The following GPR143 variants were observed in gnomAD, a reference collection of about 807,000 sequenced individuals.
GPR143 encodes the protein G protein-coupled receptor 143.
GPR143 carries 8 observed loss-of-function variants against 27.6 expected under a neutral mutation model. The observed-to-expected ratio is 0.29, with a 90% CI of 0.17 to 0.52. The LOEUF is 0.52. Among genes scored for constraint, GPR143 ranks in the 20% least tolerant of loss-of-function variants. The pLI is 0.96. For missense variants in GPR143, 303 were observed against 343.1 expected, an observed-to-expected ratio of 0.88 and a Z score of 0.92; for synonymous variants, 156 against 153.2, an observed-to-expected ratio of 1.02 and a Z score of -0.13.
Position 9,759,199 on chromosome X carries a change from C to T in GPR143, c.455+133G>A, listed in dbSNP as rs766201917. On this transcript the variant is annotated intron_variant, in intron 3 of 8. Coordinates refer to ENST00000467482, the MANE Select transcript of GPR143 (RefSeq NM_000273.3). Reference sequence around the variant, plus strand: ...ATGAGCTGCTGTGGATGTTTCTAGGCGGAGGGGCCAGCTGACAGATTCTGA... The same window carrying T: ...ATGAGCTGCTGTGGATGTTTCTAGGTGGAGGGGCCAGCTGACAGATTCTGA... The T allele has an allele frequency of 1.1e-4, 54 of 507,764 alleles. No homozygotes were observed. In the Admixed American group the frequency reaches 1.2e-3, roughly 12 times the overall value. 41.8% of individuals were successfully genotyped at this position (507,764 alleles called of 1,213,427 possible).
intron 7 of GPR143, chrX:9,740,949 A>G (rs2083400957): frequency 1.0e-5 from 3 of 296,040 alleles, no homozygotes; most frequent in Non-Finnish European, 1.7e-5. Context: ...GAGTTGAAGC[A>G]TTTAATAAGG....
chrX:9,770,554 T>C (rs1407822129), upstream of GPR143, among the ~76,000 whole-genome samples: 2 of 109,794 alleles, frequency 1.8e-5, no homozygotes, highest in Non-Finnish European at 3.8e-5. Flanking sequence ...GCAGACAAAC[T>C]TATTCCAATG....
rs7066748 is a variant in GPR143 at position 9,772,517 on chromosome X, C to T, written c.-2-11691G>A. On this transcript the variant is annotated intron_variant, in intron 1 of 7. Coordinates refer to the GPR143 transcript ENST00000447366. ...ATTCACAATTAAATTTGGCAGAACA[C>T]GTCTATTTCAAAAAGAACAACTGAC... Among the ~76,000 whole-genome samples the T allele has an allele frequency of 5.2e-3, 585 of 111,923 alleles. 6 individuals carry two copies. The highest frequency in any genetic ancestry group is 0.017 in the African/African-American group (536 of 30,812).
intron 1 of GPR143, among the ~76,000 whole-genome samples, chrX:9,764,674 C>T (rs1437430560): frequency 1.8e-5 from 2 of 111,082 alleles, no homozygotes; most frequent in East Asian, 5.7e-4. Flanking sequence ...ACACAATAAA[C>T]GGATTTTTTA....
At position 9,739,562 on chromosome X, in the gene GPR143, T is replaced by C; in HGVS notation, c.1043A>G (p.His348Arg). ...CACCTTCCCGGAAGCAGGGTTTTCATGGGGCATCAGTGGGGATGGGTGAGC... is the reference window on the plus strand; with the variant it reads ...CACCTTCCCGGAAGCAGGGTTTTCACGGGGCATCAGTGGGGATGGGTGAGC... ...EGAHPSPLMP[H>R]ENPASGKVSQ... The change falls in exon 8 of 9, where the codon CAT becomes CGT. Residue 348 changes from histidine (H) to arginine (R), a missense_variant. Coordinates refer to ENST00000467482, the MANE Select transcript of GPR143 (RefSeq NM_000273.3). 8.3e-7 allele frequency: 1 copy of C among 1,210,902 alleles called. No homozygotes were observed. The highest frequency in any genetic ancestry group is 1.7e-5 in the African/African-American group (1 of 57,898).
chrX:9,759,632 A>T (rs1205819783), intron 2 of GPR143, among the ~76,000 whole-genome samples: 1 of 111,599 alleles, frequency 9.0e-6, no homozygotes, highest in Non-Finnish European at 1.9e-5. Context: ...TGACTAAGGA[A>T]CTATGCCTTC....
chrX:9,755,372 C>T (rs1213259124), intron 3 of GPR143, among the ~76,000 whole-genome samples: 2 of 110,981 alleles, frequency 1.8e-5, no homozygotes, highest in Admixed American at 9.6e-5. Flanking sequence ...GAGCCAAGAT[C>T]GTGCCATTGC....
At chrX:9,739,048 A>G (rs1031299020) in intron 8 of GPR143, among the ~76,000 whole-genome samples, 5 of 112,479 alleles carry the variant, frequency 4.4e-5, no homozygotes, top group Non-Finnish European at 9.4e-5. Flanking sequence ...GGAATGGAAA[A>G]GAAAACGGAA....
intron 2 of GPR143, among the ~76,000 whole-genome samples, chrX:9,760,247 A>G (rs1334979957): frequency 9.1e-6 from 1 of 110,321 alleles, no homozygotes; most frequent in Non-Finnish European, 1.9e-5. Context: ...ACACACCACC[A>G]CGCCGAGCTA....
chrX:9,752,048 T>TA (rs759571214), intron 3 of GPR143, among the ~76,000 whole-genome samples: 60 of 112,479 alleles, frequency 5.3e-4, no homozygotes, highest in African/African-American at 1.9e-3. Context: ...GTGATTAATC[T>TA]AAAAGATGAG....
chrX:9,770,205 C>A (rs2146708560), upstream of GPR143, among the ~76,000 whole-genome samples: 1 of 96,571 alleles, frequency 1.0e-5, no homozygotes, highest in African/African-American at 3.8e-5. Context: ...GGCTCAGTGG[C>A]TCACACCTGT....
chrX:9,771,267 C>T (rs1226077408), intron 1 of GPR143, among the ~76,000 whole-genome samples: 1 of 111,899 alleles, frequency 8.9e-6, no homozygotes, highest in Non-Finnish European at 1.9e-5. Flanking sequence ...TGCTATGTTG[C>T]CCAGGCTGGT....
intron 1 of GPR143, among the ~76,000 whole-genome samples, chrX:9,763,509 A>G (rs1044461142): frequency 1.8e-5 from 2 of 110,883 alleles, no homozygotes. Context: ...TTGGGGTTGC[A>G]AATGTTTAGA....
chrX:9,739,389 G>A, intron 8 of GPR143, 96 bp downstream of exon 8: 3 of 586,517 alleles, frequency 5.1e-6, no homozygotes, highest in Non-Finnish European at 8.6e-6. Flanking sequence ...ACCCCGCCAT[G>A]CACAGGACAG....
At chrX:9,742,697 G>C (rs764151604) in intron 6 of GPR143, among the ~76,000 whole-genome samples, 2 of 111,915 alleles carry the variant, frequency 1.8e-5, no homozygotes, top group African/African-American at 3.2e-5. Flanking sequence ...GGGGAAAAAT[G>C]AGGAGAGACA....
At chrX:9,763,425 C>T (rs978434264) in intron 1 of GPR143, among the ~76,000 whole-genome samples, 1 of 111,578 alleles carries the variant, frequency 9.0e-6, no homozygotes, top group Non-Finnish European at 1.9e-5. Flanking sequence ...CTGCAGTGAG[C>T]TATGATCATG....
chrX:9,750,322 A>G (rs2083446134), intron 3 of GPR143, among the ~76,000 whole-genome samples: 1 of 108,223 alleles, frequency 9.2e-6, no homozygotes, highest in Non-Finnish European at 1.9e-5. Context: ...CAACCCTCCC[A>G]CCTAAGCCTC....
chrX:9,755,454 AG>A (rs1361417659), intron 3 of GPR143, among the ~76,000 whole-genome samples: 2 of 110,174 alleles, frequency 1.8e-5, no homozygotes, highest in Admixed American at 1.9e-4. Flanking sequence ...CTCAAAAAAA[AG>A]AAAAGAAAAA....
Position 9,725,664 on chromosome X carries a change from T to C in GPR143, c.*82A>G, listed in dbSNP as rs1439585582. 9 of 742,631 alleles carry C rather than the reference T, an allele frequency of 1.2e-5. No individual in the cohort carries two copies. The highest frequency in any genetic ancestry group is 1.9e-5 in the Non-Finnish European group (9 of 481,824). 61.2% of individuals were successfully genotyped at this position (742,631 alleles called of 1,213,427 possible). ...CCGCTACACTTCGGCAGTGCAGTGT[T>C]GGGAAGGTGAGAACACAGTTCTAAA... On this transcript the variant is annotated 3_prime_UTR_variant, in exon 9 of 9. Transcript: ENST00000467482.
Sources: gnomAD v4.1 joint callset for allele counts (sites outside exome capture counted in the v4.1 genomes callset) on GRCh38, gnomAD v4.1.1 for gene constraint, MANE v1.5 for transcripts, NCBI Gene and HGNC (gene_info 2026-07-23, HGNC 2026-07-21) for gene names.